The following GALNT13 variants were observed in gnomAD, a reference collection of about 807,000 sequenced individuals.
The protein encoded by GALNT13 is UDP-GalNAc:polypeptide N-acetylgalactosaminyltransferase 13.
Under a neutral mutation model 64.2 loss-of-function variants are expected in GALNT13, and 28 were observed. The ratio of observed to expected loss-of-function variants is 0.44; its 90% CI spans 0.32 to 0.60. GALNT13 has a LOEUF of 0.60. Among genes scored for constraint, GALNT13 ranks in the 20% least tolerant of loss-of-function variants. The probability of loss-of-function intolerance (pLI) is 0.05; values close to 1 mark genes in which losing one functional copy is unlikely to be tolerated. For synonymous variants in GALNT13, 214 were observed against 224.6 expected (o/e 0.95, Z 0.42); for missense variants, 577 against 669.8 (o/e 0.86, Z 1.53).
At chr2:154,447,202 A>T (rs1166411803) in intron 12 of GALNT13, among the ~76,000 whole-genome samples, 2 of 151,972 alleles carry the variant, frequency 1.3e-5, no homozygotes, top group Non-Finnish European at 1.5e-5. Context: ...TTTTATTCAG[A>T]TACTTTGGTT....
At chr2:154,341,238 A>C (rs1227019457) in intron 9 of GALNT13, among the ~76,000 whole-genome samples, 7 of 152,124 alleles carry the variant, frequency 4.6e-5, no homozygotes, top group Non-Finnish European at 1.5e-5. Flanking sequence ...CCCAGCAAAT[A>C]TATTTTAAAT....
At chr2:153,294,003 T>C in the GALNT13 span, among the ~76,000 whole-genome samples, 3 of 152,096 alleles carry the variant, frequency 2.0e-5, no homozygotes, top group African/African-American at 2.4e-5. Context: ...GTTGTTTTTT[T>C]TAGAGATGAG....
chr2:153,236,583 A>G, the GALNT13 span, among the ~76,000 whole-genome samples: 2 of 152,124 alleles, frequency 1.3e-5, no homozygotes, highest in Non-Finnish European at 2.9e-5. Flanking sequence ...ATGGAGCAAC[A>G]AGGCCTGTAT....
chr2:153,861,517 C>T, the GALNT13 span, among the ~76,000 whole-genome samples: 1 of 149,284 alleles, frequency 6.7e-6, no homozygotes, highest in East Asian at 2.0e-4. Flanking sequence ...AGAAGTTCTG[C>T]TTTTTAAAAG....
chr2:153,249,062 T>A, the GALNT13 span, among the ~76,000 whole-genome samples: 1 of 152,138 alleles, frequency 6.6e-6, no homozygotes, highest in East Asian at 1.9e-4. Flanking sequence ...ATAAATGGTA[T>A]TCAAATAGAA....
the GALNT13 span, among the ~76,000 whole-genome samples, chr2:153,404,724 G>A: frequency 6.6e-6 from 1 of 151,920 alleles, no homozygotes; most frequent in Non-Finnish European, 1.5e-5. Context: ...TTAATCACTA[G>A]GAAAAAATAA....
the GALNT13 span, among the ~76,000 whole-genome samples, chr2:153,180,809 T>A: frequency 6.6e-6 from 1 of 151,954 alleles, no homozygotes; most frequent in Non-Finnish European, 1.5e-5. Context: ...TTCTTCTAGG[T>A]TATCCAATAT....
chr2:153,586,878 G>A, the GALNT13 span, among the ~76,000 whole-genome samples: 1 of 151,962 alleles, frequency 6.6e-6, no homozygotes, highest in Admixed American at 6.6e-5. Context: ...ATAGCAAGAG[G>A]AACTTTGGAA....
chr2:153,964,074 T>TC (rs1491316456), intron 3 of GALNT13, among the ~76,000 whole-genome samples: 6 of 145,950 alleles, frequency 4.1e-5, no homozygotes, highest in East Asian at 4.0e-4. Flanking sequence ...TCCTTTTTTT[T>TC]CCCCCCCAAA....
chr2:153,191,230 A>G, the GALNT13 span, among the ~76,000 whole-genome samples: 2 of 151,884 alleles, frequency 1.3e-5, no homozygotes, highest in Non-Finnish European at 2.9e-5. Flanking sequence ...GGCCTTTATT[A>G]TGCTAAACTA....
At chr2:153,864,259 C>G in the GALNT13 span, among the ~76,000 whole-genome samples, 1 of 152,068 alleles carries the variant, frequency 6.6e-6, no homozygotes, top group South Asian at 2.1e-4. Context: ...GTTGTTTTTT[C>G]CTAATTCTTT....
chr2:154,014,514 T>G (rs951597033), intron 3 of GALNT13, among the ~76,000 whole-genome samples: 1 of 151,596 alleles, frequency 6.6e-6, no homozygotes, highest in Non-Finnish European at 1.5e-5. Flanking sequence ...AAGGTCTGCT[T>G]GAAGTGTGCT....
the GALNT13 span, among the ~76,000 whole-genome samples, chr2:153,125,127 T>A: frequency 6.6e-6 from 1 of 152,218 alleles, no homozygotes; most frequent in Non-Finnish European, 1.5e-5. Context: ...CCCTAAAACA[T>A]AATTTGATAT....
the GALNT13 span, among the ~76,000 whole-genome samples, chr2:153,502,209 C>G: frequency 6.6e-6 from 1 of 152,018 alleles, no homozygotes; most frequent in Non-Finnish European, 1.5e-5. Context: ...GTACACTGTA[C>G]TCAATGTGTA....
chr2:154,010,704 G>A (rs1210140660), intron 3 of GALNT13, among the ~76,000 whole-genome samples: 4 of 152,048 alleles, frequency 2.6e-5, no homozygotes, highest in Non-Finnish European at 2.9e-5. Flanking sequence ...TCAGTTGTGA[G>A]TCAATCTGGT....
chr2:153,446,342 C>A, the GALNT13 span, among the ~76,000 whole-genome samples: 1 of 152,194 alleles, frequency 6.6e-6, no homozygotes, highest in African/African-American at 2.4e-5. Flanking sequence ...ATAGTAAGTA[C>A]TTCCTACATA....
At chr2:153,133,223 A>G in the GALNT13 span, among the ~76,000 whole-genome samples, 1 of 151,972 alleles carries the variant, frequency 6.6e-6, no homozygotes. Flanking sequence ...GACCGTGGAG[A>G]TTACCAGTTG....
intron 3 of GALNT13, among the ~76,000 whole-genome samples, chr2:154,098,436 G>A (rs989891190): frequency 1.3e-5 from 2 of 151,470 alleles, no homozygotes; most frequent in Admixed American, 6.6e-5. Context: ...CAATGAAAAT[G>A]GTTTTGTTTA....
At chr2:153,780,544 A>T in the GALNT13 span, among the ~76,000 whole-genome samples, 41 of 152,034 alleles carry the variant, frequency 2.7e-4, no homozygotes, top group African/African-American at 9.9e-4. Flanking sequence ...TTTTACCAGC[A>T]CACTCATATG....
Sources: allele counts gnomAD v4.1 joint callset (sites outside exome capture counted in the v4.1 genomes callset), GRCh38; gene constraint gnomAD v4.1.1; transcripts MANE v1.5; gene names NCBI Gene and HGNC (gene_info 2026-07-23, HGNC 2026-07-21).